NKAIN3: variants seen among roughly 807,000 people sequenced by gnomAD.
NKAIN3 encodes sodium/potassium transporting ATPase interacting 3.
NKAIN3 carries 25 observed loss-of-function variants against 30.2 expected under a neutral mutation model. The observed-to-expected ratio is 0.83, with a 90% CI of 0.60 to 1.16. The LOEUF (loss-of-function observed/expected upper bound fraction) is 1.16. Ranked by LOEUF, NKAIN3 falls within the 50% of genes most tolerant of loss-of-function variation. The pLI is 0.00. For missense variants in NKAIN3, 225 were observed against 254.1 expected (o/e 0.89, Z 0.78); for synonymous variants, 91 against 89.6 (o/e 1.02, Z -0.09).
intron 2 of NKAIN3, among the ~76,000 whole-genome samples, chr8:62,581,014 G>T (rs1007982719): frequency 9.3e-5 from 14 of 149,770 alleles, no homozygotes; most frequent in Non-Finnish European, 1.6e-4. Context: ...AAGGCAGGAG[G>T]ATCGCTTGAA....
chr8:62,501,775 A>T lies in NKAIN3; in HGVS notation c.55-77764A>T, dbSNP rs542870610. On this transcript the variant is annotated intron_variant, in intron 1 of 6. Coordinates refer to ENST00000623646, the MANE Select transcript of NKAIN3 (RefSeq NM_001304533.3). Reference sequence around the variant, plus strand: ...GTAGCAAACATAAGCCACTGGGCTTACATTTCCTGTGTATAAGTATTCAAA... The same window carrying T: ...GTAGCAAACATAAGCCACTGGGCTTTCATTTCCTGTGTATAAGTATTCAAA... 7.2e-5 allele frequency among the ~76,000 whole-genome samples: 11 copies of T among 152,336 alleles called. No individual in the cohort carries two copies. The East Asian group carries it at 2.1e-3, about 29-fold the overall frequency.
chr8:62,592,667 G>T (rs1297215912), intron 3 of NKAIN3, among the ~76,000 whole-genome samples: 2 of 151,736 alleles, frequency 1.3e-5, no homozygotes, highest in African/African-American at 4.8e-5. Context: ...TTAGAACAAT[G>T]GATTTTTAAA....
chr8:62,310,773 G>A (rs1301599611), intron 1 of NKAIN3, among the ~76,000 whole-genome samples: 1 of 150,380 alleles, frequency 6.6e-6, no homozygotes, highest in South Asian at 2.1e-4. Context: ...AATGGAGCTA[G>A]CTGGTTATAT....
intron 4 of NKAIN3, among the ~76,000 whole-genome samples, chr8:62,816,260 T>TCAC (rs1818676058): frequency 6.6e-6 from 1 of 152,200 alleles, no homozygotes; most frequent in African/African-American, 2.4e-5. Flanking sequence ...GTAGGTGCAG[T>TCAC]AGTGTAGTCT....
In NKAIN3 at chr8:62,358,919, C is replaced by T. The variant is rs557259825; in HGVS notation, c.54+109792C>T. The stretch of plus-strand genomic sequence containing the variant: ...TTCTATGGCCGGGCGCGGTGGCTCA[C>T]GCCTGTAATCCCAGCACTTTGGGAG... On this transcript the variant is annotated intron_variant, in intron 1 of 6. Coordinates refer to ENST00000623646, the MANE Select transcript of NKAIN3 (RefSeq NM_001304533.3). 3.9e-5 allele frequency among the ~76,000 whole-genome samples: 6 copies of T among 152,284 alleles called. No individual in the cohort carries two copies. The South Asian group carries it at 8.3e-4, about 21-fold the overall frequency.
intron 3 of NKAIN3, among the ~76,000 whole-genome samples, chr8:62,719,882 G>A (rs547723470): frequency 6.8e-6 from 1 of 147,616 alleles, no homozygotes; most frequent in Admixed American, 6.9e-5. Flanking sequence ...TCAGCCTCCC[G>A]AGTAGCTGGG....
chr8:62,916,881 G>C (rs1386257205), intron 4 of NKAIN3, among the ~76,000 whole-genome samples: 3 of 152,104 alleles, frequency 2.0e-5, no homozygotes, highest in Non-Finnish European at 4.4e-5. Flanking sequence ...GAGTGTGACA[G>C]CTCCCACACG....
At chr8:62,406,275 A>G (rs1804062428) in intron 1 of NKAIN3, among the ~76,000 whole-genome samples, 2 of 152,210 alleles carry the variant, frequency 1.3e-5, no homozygotes, top group South Asian at 4.1e-4. Context: ...TCAATGTCTT[A>G]AAATGGAGAA....
chr8:62,826,537 A>G (rs1819030879), intron 4 of NKAIN3, among the ~76,000 whole-genome samples: 1 of 152,184 alleles, frequency 6.6e-6, no homozygotes, highest in Non-Finnish European at 1.5e-5. Flanking sequence ...TTTCCCACGT[A>G]AAATATTTCT....
chr8:62,464,230 T>C (rs1182705332), intron 1 of NKAIN3, among the ~76,000 whole-genome samples: 1 of 152,178 alleles, frequency 6.6e-6, no homozygotes, highest in Non-Finnish European at 1.5e-5. Context: ...AAGGTTTCTC[T>C]AAAAATCAAT....
intron 1 of NKAIN3, among the ~76,000 whole-genome samples, chr8:62,439,411 C>A (rs937175043): frequency 1.3e-5 from 2 of 152,188 alleles, no homozygotes; most frequent in Admixed American, 1.3e-4. Context: ...CCATGCTTTT[C>A]TGTCTTAAAA....
intron 3 of NKAIN3, among the ~76,000 whole-genome samples, chr8:62,682,879 T>A (rs1586084687): frequency 6.6e-6 from 1 of 152,240 alleles, no homozygotes; most frequent in East Asian, 1.9e-4. Context: ...TGCCCCAACC[T>A]GATGGTCTTT....
chr8:62,614,501 C>T (rs1203377259), intron 3 of NKAIN3, among the ~76,000 whole-genome samples: 2 of 152,100 alleles, frequency 1.3e-5, no homozygotes, highest in Non-Finnish European at 2.9e-5. Context: ...TAACCACTCC[C>T]TGGCTACTGC....
At chr8:62,459,436 C>G (rs1805922205) in intron 1 of NKAIN3, among the ~76,000 whole-genome samples, 1 of 152,208 alleles carries the variant, frequency 6.6e-6, no homozygotes, top group South Asian at 2.1e-4. Flanking sequence ...ATCACATACT[C>G]AGTACATGTC....
chr8:62,412,906 C>T (rs1267942345), intron 1 of NKAIN3, among the ~76,000 whole-genome samples: 10 of 79,610 alleles, frequency 1.3e-4, no homozygotes, highest in African/African-American at 3.9e-4. Context: ...ACTGAGACTC[C>T]GTCAAAAAAA....
At chr8:62,557,907 T>G (rs1284878884) in intron 1 of NKAIN3, among the ~76,000 whole-genome samples, 1 of 152,174 alleles carries the variant, frequency 6.6e-6, no homozygotes, top group East Asian at 1.9e-4. Flanking sequence ...AGCTCTTTAG[T>G]TTAATTAAGT....
intron 1 of NKAIN3, among the ~76,000 whole-genome samples, chr8:62,344,493 A>G (rs1815862375): frequency 6.6e-6 from 1 of 152,090 alleles, no homozygotes. Context: ...ATTTAGCTAG[A>G]TAGCTTAATA....
intron 1 of NKAIN3, among the ~76,000 whole-genome samples, chr8:62,485,967 G>A (rs1374267917): frequency 6.6e-6 from 1 of 152,188 alleles, no homozygotes; most frequent in Non-Finnish European, 1.5e-5. Context: ...GAAAATAGTT[G>A]TAGGCTTCTT....
At chr8:62,258,777 A>G (rs1290940858) in intron 1 of NKAIN3, among the ~76,000 whole-genome samples, 1 of 152,242 alleles carries the variant, frequency 6.6e-6, no homozygotes, top group Non-Finnish European at 1.5e-5. Context: ...TGGGAAAAAG[A>G]TGACTGACAA....
Sources: allele counts gnomAD v4.1 joint callset (sites outside exome capture counted in the v4.1 genomes callset), GRCh38; gene constraint gnomAD v4.1.1; transcripts MANE v1.5; gene names NCBI Gene and HGNC (gene_info 2026-07-23, HGNC 2026-07-21).